The following CDH4 variants were observed in gnomAD, a reference collection of about 807,000 sequenced individuals.
The protein encoded by CDH4 is cadherin 4.
CDH4 carries 33 observed loss-of-function variants against 86.0 expected under a neutral mutation model. The ratio of observed to expected loss-of-function variants is 0.38; its 90% CI spans 0.29 to 0.51. CDH4 has a LOEUF of 0.51. CDH4 is among the 20% of genes least tolerant of loss of function. CDH4 has a pLI of 0.86. For synonymous variants in CDH4, 555 were observed against 549.4 expected (o/e 1.01, Z -0.14); for missense variants, 1,114 against 1,307.4 (o/e 0.85, Z 2.28).
chr20:61,793,494 G>A (rs1979327111), intron 4 of CDH4, among the ~76,000 whole-genome samples: 1 of 152,146 alleles, frequency 6.6e-6, no homozygotes, highest in Admixed American at 6.5e-5. Flanking sequence ...GACCCATAAA[G>A]CGGCCCCCGA....
At chr20:61,306,360 C>T (rs1036024641) in intron 2 of CDH4, among the ~76,000 whole-genome samples, 8 of 150,794 alleles carry the variant, frequency 5.3e-5, no homozygotes, top group Non-Finnish European at 1.2e-4. Flanking sequence ...TTTTTTTAAA[C>T]GGAGTCTCGC....
At chr20:61,723,932 G>T in intron 2 of CDH4, among the ~76,000 whole-genome samples, 1 of 145,672 alleles carries the variant, frequency 6.9e-6, no homozygotes, top group African/African-American at 2.5e-5. Context: ...TGTGGCAGGG[G>T]GGTAGGTCCC....
chr20:61,467,376 A>G (rs769528390), intron 2 of CDH4, among the ~76,000 whole-genome samples: 1 of 152,240 alleles, frequency 6.6e-6, no homozygotes, highest in East Asian at 1.9e-4. Context: ...CTGTAGAAGC[A>G]TCTGATTCTC....
At position 61,546,073 on chromosome 20, in the gene CDH4, G is replaced by T. The variant is rs75556299; in HGVS notation, c.170-197490G>T. The stretch of plus-strand genomic sequence containing the variant: ...GGGCTGTCTGTGCATGTGTGGAGGG[G>T]GTTTGTTCACACGTGTGTGTGTGGA... On this transcript the variant is annotated intron_variant, in intron 2 of 15. Transcript: ENST00000614565. Among the ~76,000 whole-genome samples, 2 of 734 alleles carry T rather than the reference G, an allele frequency of 2.7e-3. 1 individual carries two copies. Among genetic ancestry groups the T allele is most frequent in the Non-Finnish European group, 5.6e-3 (2 of 356 alleles). The allele number at this position is 734 out of a possible 152,430, so 0.5% of individuals were successfully genotyped here.
intron 5 of CDH4, 48 bp from the exon 6 acceptor site, chr20:61,852,706 G>A (rs1457487016): frequency 6.3e-7 from 1 of 1,587,418 alleles, no homozygotes; most frequent in Non-Finnish European, 8.6e-7. Context: ...TCTCAGCTGA[G>A]TGGGGGTGCC....
At chr20:61,820,615 G>T (rs1181760594) in intron 4 of CDH4, among the ~76,000 whole-genome samples, 7 of 152,242 alleles carry the variant, frequency 4.6e-5, no homozygotes, top group Non-Finnish European at 1.0e-4. Flanking sequence ...TTGTGGCCAG[G>T]CCACGGGGCT....
At chr20:61,813,869 A>T (rs1339192142) in intron 4 of CDH4, among the ~76,000 whole-genome samples, 1 of 151,962 alleles carries the variant, frequency 6.6e-6, no homozygotes, top group Non-Finnish European at 1.5e-5. Flanking sequence ...TGCCGCACAA[A>T]CCCTGCACAG....
rs73611562 is a variant in CDH4 at position 61,723,523 on chromosome 20, A to G, written c.170-20040A>G. Among the ~76,000 whole-genome samples, 89 of 151,972 alleles carry G rather than the reference A, an allele frequency of 5.9e-4. No individual in the cohort carries two copies. The Middle Eastern group carries it at 0.02, about 35-fold the overall frequency. On this transcript the variant is annotated intron_variant, in intron 2 of 15. Coordinates refer to ENST00000614565, the MANE Select transcript of CDH4 (RefSeq NM_001794.5). ...TGCTGAGGGACTGGGCATGATGGGC[A>G]CCTGAGACCCTAGGAGCTTCCATCC...
chr20:61,532,418 C>G (rs1411482524), intron 2 of CDH4, among the ~76,000 whole-genome samples: 1 of 152,174 alleles, frequency 6.6e-6, no homozygotes, highest in Non-Finnish European at 1.5e-5. Flanking sequence ...GAAAATGAAC[C>G]TCTTCGGTTT....
At chr20:61,352,897 A>G (rs780951117) in intron 2 of CDH4, among the ~76,000 whole-genome samples, 6 of 152,046 alleles carry the variant, frequency 3.9e-5, no homozygotes, top group Non-Finnish European at 8.8e-5. Context: ...GAGTGTGTCA[A>G]TGTCCCATCC....
intron 2 of CDH4, among the ~76,000 whole-genome samples, chr20:61,661,246 A>G (rs1331707764): frequency 6.6e-6 from 1 of 152,184 alleles, no homozygotes; most frequent in African/African-American, 2.4e-5. Flanking sequence ...CTGGGAGGCC[A>G]GCACCCCCCA....
chr20:61,647,090 C>A (rs1340166472), intron 2 of CDH4, among the ~76,000 whole-genome samples: 1 of 152,112 alleles, frequency 6.6e-6, no homozygotes. Flanking sequence ...AGGGTGACAC[C>A]CACCCAGCCT....
In CDH4 at chr20:61,928,362, C is replaced by T. The variant is rs779701935; in HGVS notation, c.1944C>T (p.Val648=). The change falls in exon 12 of 16, where the codon GTC becomes GTT. Residue 648 remains valine, a synonymous_variant. Transcript: ENST00000614565. ...TCGACCCCAACATCGGCCCCTACGT[C>T]TTCGAGCTGCCCTTTGTCCCGGCGG... ...ADVDPNIGPY[V]FELPFVPAAV... The T allele has an allele frequency of 4.3e-6, 7 of 1,611,712 alleles. No homozygotes were observed. The highest frequency in any genetic ancestry group is 1.7e-5 in the Admixed American group (1 of 60,014).
chr20:61,779,618 ACATACACCC>A (rs1978430697), intron 4 of CDH4, among the ~76,000 whole-genome samples: 1 of 152,246 alleles, frequency 6.6e-6, no homozygotes, highest in South Asian at 2.1e-4. Context: ...CCATTTGTGC[ACATACACCC>A]CATTGCTTCA....
intron 2 of CDH4, among the ~76,000 whole-genome samples, chr20:61,268,471 G>A (rs1306694092): frequency 6.6e-6 from 1 of 152,232 alleles, no homozygotes; most frequent in East Asian, 1.9e-4. Flanking sequence ...GAACTTGAAA[G>A]AGGAAGATAC....
chr20:61,827,037 T>TA, intron 4 of CDH4, among the ~76,000 whole-genome samples: 1 of 151,092 alleles, frequency 6.6e-6, no homozygotes, highest in Non-Finnish European at 1.5e-5. Flanking sequence ...TAAAAAAAGA[T>TA]ACAATAAATA....
rs552401708 is a variant in CDH4 at position 61,390,459 on chromosome 20, G to A, written c.169+135522G>A. The stretch of plus-strand genomic sequence containing the variant: ...CATAGCACCATGTCTAGGAAACCCC[G>A]ATTGGGTTCGTACAGTCATAGGGTG... On this transcript the variant is annotated intron_variant, in intron 2 of 15. Coordinates refer to ENST00000614565, the MANE Select transcript of CDH4 (RefSeq NM_001794.5). 1.1e-3 allele frequency among the ~76,000 whole-genome samples: 151 copies of A among 133,692 alleles called. 1 individual carries two copies. The highest frequency in any genetic ancestry group is 0.01 in the Middle Eastern group (2 of 192). The allele number at this position is 133,692 out of a possible 152,430, so 87.7% of individuals were successfully genotyped here. A position where few individuals can be genotyped will look rare whatever the true frequency, so the allele number is the denominator to read the frequency against.
rs138652520 is a variant in CDH4 at position 61,635,523 on chromosome 20, G to A, written c.170-108040G>A. 1.2e-3 allele frequency among the ~76,000 whole-genome samples: 180 copies of A among 152,296 alleles called. 1 individual carries two copies. Among genetic ancestry groups the A allele is most frequent in the African/African-American group, 4.0e-3 (167 of 41,570 alleles). ...CTTCAGGGTCTCAGCTGGCTCTTCT[G>A]TGTCCCCTCCATGTTCTGTTTGACT... On this transcript the variant is annotated intron_variant, in intron 2 of 15. Transcript: ENST00000614565.
chr20:61,723,243 C>A (rs562633540), intron 2 of CDH4, among the ~76,000 whole-genome samples: 1 of 152,312 alleles, frequency 6.6e-6, no homozygotes, highest in South Asian at 2.1e-4. Context: ...CCCTTGGTCT[C>A]AGTGGTGGCT....
Sources: allele counts gnomAD v4.1 joint callset (sites outside exome capture counted in the v4.1 genomes callset), GRCh38; gene constraint gnomAD v4.1.1; transcripts MANE v1.5; gene names NCBI Gene and HGNC (gene_info 2026-07-23, HGNC 2026-07-21).